Variants in TENM4 observed in about 807,000 individuals in gnomAD.
TENM4 encodes teneurin transmembrane protein 4.
TENM4 carries 82 observed loss-of-function variants against 243.3 expected under a neutral mutation model. That is an observed-to-expected ratio of 0.34 (90% CI 0.28 to 0.40). The LOEUF (loss-of-function observed/expected upper bound fraction) is 0.40. Ranked by LOEUF, TENM4 falls within the 10% of genes least tolerant of loss-of-function variation. The pLI is 1.00. For synonymous variants in TENM4, 1,412 were observed against 1,456.3 expected (o/e 0.97, Z 0.69); for missense variants, 3,138 against 3,673.3 (o/e 0.85, Z 3.77).
At chr11:79,258,940 C>A (rs900781528) in intron 2 of TENM4, among the ~76,000 whole-genome samples, 10 of 148,346 alleles carry the variant, frequency 6.7e-5, no homozygotes, top group African/African-American at 1.1e-4. Flanking sequence ...CAGTCCTGGC[C>A]CCCCCCACCT....
rs1277947218 is a variant in TENM4, at chr11:78,654,664, A to G, written c.*3394T>C. 6.6e-6 allele frequency: 1 copy of G among 152,044 alleles called. No individual in the cohort carries two copies. The highest frequency in any genetic ancestry group is 1.5e-5 in the Non-Finnish European group (1 of 68,008). The allele number at this position is 152,044 out of a possible 1,614,324, so 9.4% of individuals were successfully genotyped here. ...TTCCAATCCTCTCTCCCTAAGTAGA[A>G]ATCAGGCACTGGTGTGGTCCTTGGG... On this transcript the variant is annotated 3_prime_UTR_variant, in exon 34 of 34. Coordinates refer to ENST00000278550, the MANE Select transcript of TENM4 (RefSeq NM_001098816.3).
At chr11:79,289,544 C>A (rs1856318600) in intron 2 of TENM4, among the ~76,000 whole-genome samples, 1 of 152,264 alleles carries the variant, frequency 6.6e-6, no homozygotes, top group Non-Finnish European at 1.5e-5. Flanking sequence ...ACCATCCCAG[C>A]TCCAGAGTTC....
intron 6 of TENM4, among the ~76,000 whole-genome samples, chr11:79,001,461 A>G (rs1479516494): frequency 6.9e-6 from 1 of 144,304 alleles, no homozygotes; most frequent in Non-Finnish European, 1.5e-5. Context: ...AACTTCCAGA[A>G]TCCTGGCAGC....
At chr11:78,752,336 C>T (rs2135942643) in intron 19 of TENM4, among the ~76,000 whole-genome samples, 1 of 152,314 alleles carries the variant, frequency 6.6e-6, no homozygotes, top group South Asian at 2.1e-4. Context: ...CTTGCTTTCA[C>T]ACCCAAGGTA....
chr11:79,003,174 G>A (rs1254270876), intron 6 of TENM4, among the ~76,000 whole-genome samples: 1 of 152,156 alleles, frequency 6.6e-6, no homozygotes, highest in East Asian at 1.9e-4. Flanking sequence ...GGCCAAATCT[G>A]TAAGTCACTG....
intron 1 of TENM4, among the ~76,000 whole-genome samples, chr11:79,321,452 C>A (rs571156): frequency 0.32 from 48,870 of 151,788 alleles, 8,210 homozygotes; most frequent in South Asian, 0.5. Context: ...TTCGATGTCC[C>A]AAATGATTCA....
chr11:79,225,007 A>C (rs1466912154), intron 2 of TENM4, among the ~76,000 whole-genome samples: 1 of 152,112 alleles, frequency 6.6e-6, no homozygotes, highest in African/African-American at 2.4e-5. Context: ...ACACACAGGG[A>C]AGATGCCAGG....
At chr11:78,845,049 C>A (rs1858358415) in intron 12 of TENM4, among the ~76,000 whole-genome samples, 1 of 152,188 alleles carries the variant, frequency 6.6e-6, no homozygotes, top group Non-Finnish European at 1.5e-5. Context: ...TGCCTCACAA[C>A]CTCCTTCTAC....
At chr11:79,327,596 C>T (rs562343929) in intron 1 of TENM4, among the ~76,000 whole-genome samples, 4 of 149,220 alleles carry the variant, frequency 2.7e-5, no homozygotes, top group Admixed American at 2.7e-4. Flanking sequence ...GTGACTTGTG[C>T]ATGTTGCCCC....
intron 3 of TENM4, among the ~76,000 whole-genome samples, chr11:79,210,553 A>C (rs772218712): frequency 4.6e-5 from 7 of 152,196 alleles, no homozygotes; most frequent in African/African-American, 7.2e-5. Context: ...GAGTCGTGGG[A>C]AAAGCGGTCA....
At chr11:78,892,056 G>T (rs1191811405) in intron 7 of TENM4, among the ~76,000 whole-genome samples, 1 of 152,142 alleles carries the variant, frequency 6.6e-6, no homozygotes, top group African/African-American at 2.4e-5. Context: ...GTCCTTTAGC[G>T]GTGCAGGGAC....
At chr11:78,938,020 C>A (rs1237604992) in intron 6 of TENM4, among the ~76,000 whole-genome samples, 1 of 152,158 alleles carries the variant, frequency 6.6e-6, no homozygotes, top group African/African-American at 2.4e-5. Flanking sequence ...TTAACAACCC[C>A]CAGGCTCACT....
intron 1 of TENM4, among the ~76,000 whole-genome samples, chr11:79,384,464 T>A (rs1858067349): frequency 6.6e-6 from 1 of 152,130 alleles, no homozygotes; most frequent in Non-Finnish European, 1.5e-5. Context: ...CTGCTGACCG[T>A]GCCAGATTCT....
intron 3 of TENM4, among the ~76,000 whole-genome samples, chr11:79,174,959 C>G (rs1165220604): frequency 6.6e-6 from 1 of 152,186 alleles, no homozygotes; most frequent in Non-Finnish European, 1.5e-5. Context: ...GACAATGCCA[C>G]TGTTTCTTGC....
chr11:79,267,888 T>C (rs992121280), intron 2 of TENM4, among the ~76,000 whole-genome samples: 23 of 152,258 alleles, frequency 1.5e-4, no homozygotes, highest in African/African-American at 5.3e-4. Flanking sequence ...GTATCACCTA[T>C]AAATTGTTTG....
At chr11:78,827,566 T>C (rs1040961997) in intron 12 of TENM4, among the ~76,000 whole-genome samples, 3 of 152,128 alleles carry the variant, frequency 2.0e-5, no homozygotes, top group Non-Finnish European at 4.4e-5. Flanking sequence ...CTTGGCTCAC[T>C]GAAACCTCCG....
chr11:78,829,888 C>A (rs1046995452), intron 12 of TENM4, among the ~76,000 whole-genome samples: 2 of 152,120 alleles, frequency 1.3e-5, no homozygotes, highest in African/African-American at 4.8e-5. Flanking sequence ...CATGCAGGTG[C>A]GTGTACTTTG....
intron 2 of TENM4, among the ~76,000 whole-genome samples, chr11:79,266,066 T>A (rs559408495): frequency 6.6e-6 from 1 of 152,194 alleles, no homozygotes; most frequent in Non-Finnish European, 1.5e-5. Flanking sequence ...GGCACTCAGC[T>A]CTTACTGCTG....
rs184020928 is a variant in TENM4 at position 79,396,491 on chromosome 11, T to A, written c.-321+44018A>T. On this transcript the variant is annotated intron_variant, in intron 1 of 33. Coordinates refer to ENST00000278550, the MANE Select transcript of TENM4 (RefSeq NM_001098816.3). ...ACAGGACCATTCTTAATAGAAGCCC[T>A]GTGATCCCCAGACCTAAATGGTCAC... Among the ~76,000 whole-genome samples the A allele has an allele frequency of 3.5e-3, 534 of 152,324 alleles. 1 individual carries two copies. The highest frequency in any genetic ancestry group is 0.012 in the African/African-American group (509 of 41,582).
Sources: allele counts gnomAD v4.1 joint callset (sites outside exome capture counted in the v4.1 genomes callset), GRCh38; gene constraint gnomAD v4.1.1; transcripts MANE v1.5; gene names NCBI Gene and HGNC (gene_info 2026-07-23, HGNC 2026-07-21).